The following KIAA1958 variants were observed in gnomAD, a reference collection of about 807,000 sequenced individuals.
KIAA1958 encodes the protein uncharacterized protein KIAA1958.
KIAA1958 carries 14 observed loss-of-function variants against 47.2 expected under a neutral mutation model. That is an observed-to-expected ratio of 0.30 (90% CI 0.20 to 0.46). The LOEUF (loss-of-function observed/expected upper bound fraction) is 0.46. KIAA1958 is among the 20% of genes least tolerant of loss of function. KIAA1958 has a pLI of 1.00. For synonymous variants in KIAA1958, 354 were observed against 353.3 expected (o/e 1.00, Z -0.02); for missense variants, 803 against 909.2 (o/e 0.88, Z 1.50).
rs531221642 is a variant in KIAA1958 at position 112,608,739 on chromosome 9, C to T, written c.1171+33488C>T. Reference sequence around the variant, plus strand: ...CCTGGAGGTGGAGGTTGCAGTGAGCCGTGATCAAGAGGATTTAAGCTGGGT... The same window carrying T: ...CCTGGAGGTGGAGGTTGCAGTGAGCTGTGATCAAGAGGATTTAAGCTGGGT... On this transcript the variant is annotated intron_variant, in intron 2 of 3. Coordinates refer to ENST00000337530, the MANE Select transcript of KIAA1958 (RefSeq NM_133465.4). 1.2e-3 allele frequency among the ~76,000 whole-genome samples: 181 copies of T among 151,898 alleles called. 3 individuals are homozygous for T. The highest frequency in any genetic ancestry group is 4.1e-3 in the African/African-American group (169 of 41,420).
chr9:112,644,547 C>G (rs1338217046), intron 2 of KIAA1958, among the ~76,000 whole-genome samples: 3 of 151,988 alleles, frequency 2.0e-5, no homozygotes, highest in Non-Finnish European at 4.4e-5. Flanking sequence ...CAGATTAAGC[C>G]TGGTTTTAGC....
intron 1 of KIAA1958, among the ~76,000 whole-genome samples, chr9:112,508,878 A>T (rs886414113): frequency 9.9e-5 from 15 of 152,220 alleles, no homozygotes; most frequent in Non-Finnish European, 1.3e-4. Flanking sequence ...TCAATTTAAA[A>T]TTTTTTCACT....
At chr9:112,539,670 G>GTA (rs1444705999) in intron 1 of KIAA1958, among the ~76,000 whole-genome samples, 2 of 149,032 alleles carry the variant, frequency 1.3e-5, no homozygotes, top group East Asian at 3.9e-4. Flanking sequence ...GTACTTAAAA[G>GTA]TATATATATA....
intron 1 of KIAA1958, among the ~76,000 whole-genome samples, chr9:112,490,796 TG>T (rs1268770896): frequency 6.6e-6 from 1 of 152,198 alleles, no homozygotes; most frequent in Non-Finnish European, 1.5e-5. Flanking sequence ...GTGTTCATAG[TG>T]GTAATGCTAA....
At chr9:112,585,171 T>G (rs1211625079) in intron 2 of KIAA1958, among the ~76,000 whole-genome samples, 1 of 152,184 alleles carries the variant, frequency 6.6e-6, no homozygotes, top group East Asian at 1.9e-4. Flanking sequence ...ATCAACTTTG[T>G]GACAAGCACT....
chr9:112,568,019 A>T (rs1835457241), intron 1 of KIAA1958, among the ~76,000 whole-genome samples: 2 of 151,558 alleles, frequency 1.3e-5, no homozygotes, highest in African/African-American at 2.4e-5. Flanking sequence ...AAATTAAAGG[A>T]TACTTATTTT....
At chr9:112,589,088 T>C (rs993417459) in intron 2 of KIAA1958, among the ~76,000 whole-genome samples, 2 of 152,288 alleles carry the variant, frequency 1.3e-5, no homozygotes, top group African/African-American at 4.8e-5. Flanking sequence ...CTCTCTAATA[T>C]GATTGAAAGA....
rs773155937 is a variant in KIAA1958, at chr9:112,659,265, C to T, written c.1347C>T (p.Ile449=). The T allele has an allele frequency of 9.9e-6, 16 of 1,608,668 alleles. No individual in the cohort carries two copies. In the Admixed American group the frequency reaches 2.7e-4, roughly 27 times the overall value. ...GLKDHTDITK[I]PAVKLNELLE... Reference sequence around the variant, plus strand: ...CCTCCGTGTTTGTCTCATTTGAGATCCCTGCAGTGAAGTTGAACGAGCTGC... The same window carrying T: ...CCTCCGTGTTTGTCTCATTTGAGATTCCTGCAGTGAAGTTGAACGAGCTGC... Residue 449 remains isoleucine (I), a splice_region_variant and synonymous_variant, in exon 4 of 4, where the codon ATC becomes ATT. Coordinates refer to ENST00000337530, the MANE Select transcript of KIAA1958 (RefSeq NM_133465.4).
chr9:112,505,135 T>C (rs1042447675), intron 1 of KIAA1958, among the ~76,000 whole-genome samples: 3 of 152,204 alleles, frequency 2.0e-5, no homozygotes, highest in African/African-American at 7.2e-5. Context: ...TAAGAATATG[T>C]GATACTTGTT....
Position 112,531,027 on chromosome 9 carries a change from G to A in KIAA1958, c.-24-43030G>A, listed in dbSNP as rs141453149. ...GAAATGACATATAGCATGTGATTGC[G>A]CAACAACATAGAAAATGCTTAAGAT... On this transcript the variant is annotated intron_variant, in intron 1 of 3. Coordinates refer to ENST00000337530, the MANE Select transcript of KIAA1958 (RefSeq NM_133465.4). 3.8e-3 allele frequency among the ~76,000 whole-genome samples: 585 copies of A among 152,248 alleles called. 3 individuals are homozygous for A. The highest frequency in any genetic ancestry group is 0.013 in the African/African-American group (546 of 41,532).
chr9:112,613,609 G>T (rs968283357), intron 2 of KIAA1958, among the ~76,000 whole-genome samples: 18 of 145,982 alleles, frequency 1.2e-4, no homozygotes, highest in Non-Finnish European at 2.4e-4. Context: ...TCTAGAATAT[G>T]TTAAAAACCT....
chr9:112,620,114 T>C (rs1320229380), intron 2 of KIAA1958, among the ~76,000 whole-genome samples: 1 of 152,226 alleles, frequency 6.6e-6, no homozygotes, highest in Non-Finnish European at 1.5e-5. Context: ...ATTATTATAA[T>C]AATTTTGGTT....
chr9:112,558,331 G>A lies in KIAA1958; in HGVS notation c.-24-15726G>A, dbSNP rs563760838. Among the ~76,000 whole-genome samples, 89 of 129,686 alleles carry A rather than the reference G, an allele frequency of 6.9e-4. 1 individual carries two copies. Among genetic ancestry groups the A allele is most frequent in the African/African-American group, 2.7e-3 (88 of 33,106 alleles). 85.1% of individuals were successfully genotyped at this position (129,686 alleles called of 152,430 possible). On this transcript the variant is annotated intron_variant, in intron 1 of 3. Transcript: ENST00000337530. ...TTCAGCTACAGTAATTTTAAATGGT[G>A]TAGTATTAATTGTAAAATAGATAAG...
intron 1 of KIAA1958, among the ~76,000 whole-genome samples, chr9:112,494,700 TCAAATGATC>T (rs953536733): frequency 3.3e-5 from 5 of 152,158 alleles, no homozygotes; most frequent in African/African-American, 7.2e-5. Flanking sequence ...ACTCATGGGC[TCAAATGATC>T]CACCTGCCTC....
intron 3 of KIAA1958, among the ~76,000 whole-genome samples, chr9:112,646,681 G>T (rs1397975386): frequency 1.3e-5 from 2 of 152,198 alleles, no homozygotes; most frequent in Non-Finnish European, 2.9e-5. Flanking sequence ...GGGCTACAGT[G>T]TGCTACAGCC....
At chr9:112,508,229 C>T (rs753174414) in intron 1 of KIAA1958, among the ~76,000 whole-genome samples, 2 of 152,136 alleles carry the variant, frequency 1.3e-5, no homozygotes, top group Non-Finnish European at 2.9e-5. Flanking sequence ...GAGAGATTAA[C>T]ATGCTATTTT....
At chr9:112,628,518 C>T (rs1424460367) in intron 2 of KIAA1958, among the ~76,000 whole-genome samples, 9 of 152,108 alleles carry the variant, frequency 5.9e-5, no homozygotes, top group Admixed American at 5.9e-4. Context: ...GTCCATTGGC[C>T]TCCAGAGTCA....
chr9:112,627,554 G>A (rs1273716751), intron 2 of KIAA1958, among the ~76,000 whole-genome samples: 1 of 152,170 alleles, frequency 6.6e-6, no homozygotes, highest in African/African-American at 2.4e-5. Flanking sequence ...AGGAGTTCGA[G>A]GCCAGCCTGG....
intron 1 of KIAA1958, among the ~76,000 whole-genome samples, chr9:112,499,073 T>C (rs934055179): frequency 5.3e-5 from 8 of 152,238 alleles, no homozygotes; most frequent in African/African-American, 1.9e-4. Context: ...TGGTGGGATT[T>C]CTTTCCTTTT....
Sources: gnomAD v4.1 joint callset for allele counts (sites outside exome capture counted in the v4.1 genomes callset) on GRCh38, gnomAD v4.1.1 for gene constraint, MANE v1.5 for transcripts, NCBI Gene and HGNC (gene_info 2026-07-23, HGNC 2026-07-21) for gene names.